TYW2: variants seen among roughly 807,000 people sequenced by gnomAD.
TYW2 encodes the protein tRNA wybutosine-synthesizing protein 2.
the TYW2 span, chr8:124,452,466 G>C: frequency 3.4e-6 from 2 of 593,092 alleles, no homozygotes; most frequent in Non-Finnish European, 5.8e-6. Context: ...TGAAATACCT[G>C]TTTGGGAGAA....
chr8:124,452,517 T>C, the TYW2 span: 3 of 480,396 alleles, frequency 6.2e-6, no homozygotes, highest in Admixed American at 7.8e-5. Flanking sequence ...TGTGCAATTA[T>C]GAATTCCAAA....
chr8:124,451,267 T>A, the TYW2 span: 2 of 1,614,054 alleles, frequency 1.2e-6, no homozygotes, highest in Non-Finnish European at 1.7e-6. Flanking sequence ...GGTGAGTCGC[T>A]GGGTGGAGGG....
At chr8:124,451,422 C>G in the TYW2 span, 1 of 1,614,148 alleles carries the variant, frequency 6.2e-7, no homozygotes, top group Non-Finnish European at 8.5e-7. Context: ...AGACCGTTGC[C>G]TTGGCACTTG....
At chr8:124,451,348 T>C in the TYW2 span, 5 of 1,614,096 alleles carry the variant, frequency 3.1e-6, no homozygotes, top group Non-Finnish European at 4.2e-6. Context: ...TGGTAATCTC[T>C]TGTTGCTGAG....
chr8:124,452,322 A>C, the TYW2 span: 2 of 1,583,372 alleles, frequency 1.3e-6, no homozygotes, highest in Non-Finnish European at 1.7e-6. Flanking sequence ...AGTGGCCCTT[A>C]AATGTATCAG....
At chr8:124,451,603 C>A in the TYW2 span, 1 of 1,614,074 alleles carries the variant, frequency 6.2e-7, no homozygotes, top group Non-Finnish European at 8.5e-7. Flanking sequence ...CACTGAGAAG[C>A]TTCGAGTGGC....
At chr8:124,452,661 A>C in the TYW2 span, 1 of 183,490 alleles carries the variant, frequency 5.4e-6, no homozygotes, top group African/African-American at 2.4e-5. Flanking sequence ...GTTATTTTAG[A>C]GTGAAAGACA....
the TYW2 span, chr8:124,451,175 C>T: frequency 3.1e-6 from 5 of 1,614,122 alleles, no homozygotes; most frequent in Non-Finnish European, 4.2e-6. Flanking sequence ...CCAGGCAGTC[C>T]CTGTATGCTC....
the TYW2 span, chr8:124,451,494 G>A: frequency 6.2e-7 from 1 of 1,613,990 alleles, no homozygotes; most frequent in Non-Finnish European, 8.5e-7. Flanking sequence ...CTCCAGCAGT[G>A]ACACTGCTGC....
the TYW2 span, chr8:124,451,392 T>C: frequency 6.2e-7 from 1 of 1,613,978 alleles, no homozygotes; most frequent in Admixed American, 1.7e-5. Context: ...AGTGGAAAAA[T>C]CTGGGACCGG....
At chr8:124,451,916 G>T in the TYW2 span, 1 of 1,614,202 alleles carries the variant, frequency 6.2e-7, no homozygotes, top group East Asian at 2.2e-5. Context: ...CAGGATGCTG[G>T]AGGCATTTTG....
At chr8:124,450,924 G>A in the TYW2 span, 4 of 1,611,182 alleles carry the variant, frequency 2.5e-6, no homozygotes, top group Non-Finnish European at 3.4e-6. Context: ...GTATCGCTGA[G>A]GTGATGAGAG....
At chr8:124,451,949 C>G in the TYW2 span, 1 of 1,614,202 alleles carries the variant, frequency 6.2e-7, no homozygotes, top group Non-Finnish European at 8.5e-7. Flanking sequence ...AATGTGGAAT[C>G]TTTCCCAGGG....
the TYW2 span, chr8:124,451,279 C>T: frequency 7.4e-6 from 12 of 1,614,018 alleles, no homozygotes; most frequent in South Asian, 1.2e-4. Context: ...GGTGGAGGGT[C>T]GGGGAGTCAA....
At chr8:124,451,376 C>T in the TYW2 span, 3 of 1,614,092 alleles carry the variant, frequency 1.9e-6, no homozygotes, top group Non-Finnish European at 2.5e-6. Context: ...TGTTTCCAAG[C>T]CAAGCAGTGG....
At chr8:124,451,217 G>A in the TYW2 span, 893 of 1,614,188 alleles carry the variant, frequency 5.5e-4, 5 homozygotes, top group African/African-American at 0.01. Context: ...CCTTCGAAGA[G>A]GGCCCAGGGT....
the TYW2 span, chr8:124,452,063 C>G: frequency 2.5e-6 from 4 of 1,614,156 alleles, no homozygotes; most frequent in Non-Finnish European, 2.5e-6. Context: ...ACCAGGGATT[C>G]TAGGGGAAAA....
At chr8:124,452,472 G>A in the TYW2 span, 1 of 582,848 alleles carries the variant, frequency 1.7e-6, no homozygotes, top group African/African-American at 1.9e-5. Context: ...ACCTGTTTGG[G>A]AGAAGCAGCA....
chr8:124,451,073 T>C, the TYW2 span: 1 of 1,614,106 alleles, frequency 6.2e-7, no homozygotes, highest in Non-Finnish European at 8.5e-7. Context: ...CAGCACCGTG[T>C]GGAAAAGATG....
Sources: gnomAD v4.1 joint callset for allele counts on GRCh38, gnomAD v4.1.1 for gene constraint, MANE v1.5 for transcripts, NCBI Gene and HGNC (gene_info 2026-07-23, HGNC 2026-07-21) for gene names.